The following RPGR variants were observed in gnomAD, a reference collection of about 807,000 sequenced individuals.
RPGR encodes retinitis pigmentosa GTPase regulator.
Under a neutral mutation model 56.3 loss-of-function variants are expected in RPGR, and 10 were observed. The observed-to-expected ratio is 0.18, with a 90% confidence interval of 0.11 to 0.30. The LOEUF (loss-of-function observed/expected upper bound fraction) is 0.30. RPGR is among the 10% of genes least tolerant of loss of function. RPGR has a pLI of 1.00. For synonymous variants in RPGR, 197 were observed against 212.9 expected (o/e 0.93, Z 0.65); for missense variants, 538 against 590.9 (o/e 0.91, Z 0.93).
intron 17 of RPGR, chrX:38,274,976 GCA>G (rs1601900959): frequency 1.7e-6 from 1 of 581,572 alleles, no homozygotes; most frequent in African/African-American, 2.3e-5. Flanking sequence ...AAAAATTATA[GCA>G]TATATGTAAA....
At chrX:38,295,175 T>C (rs2067352712) in intron 11 of RPGR, among the ~76,000 whole-genome samples, 1 of 112,177 alleles carries the variant, frequency 8.9e-6, no homozygotes, top group African/African-American at 3.2e-5. Flanking sequence ...CCACTGGTTG[T>C]CCTTTTCTTC....
chrX:38,305,615 G>A (rs1209737724), intron 7 of RPGR, among the ~76,000 whole-genome samples: 5 of 103,492 alleles, frequency 4.8e-5, no homozygotes, highest in African/African-American at 1.8e-4. Flanking sequence ...GCATGGTGGC[G>A]TACACCTGTA....
chrX:38,272,592 C>CAA (rs36025051), intron 18 of RPGR: 12,752 of 86,094 alleles, frequency 0.15, 1,057 homozygotes, highest in East Asian at 0.55. Flanking sequence ...AACTCCATCT[C>CAA]AAAAAAAAAA....
chrX:38,273,534 T>G, intron 17 of RPGR: 1 of 925,094 alleles, frequency 1.1e-6, no homozygotes, highest in Non-Finnish European at 1.5e-6. Flanking sequence ...AGACAAGACC[T>G]GATGCTCTCA....
In RPGR at chrX:38,297,447, C is replaced by T. The variant is rs1274377617; in HGVS notation, c.1251G>A (p.Arg417=). ...TCCTCATTGAAAAAGAATCTGGAGA[C>T]CTCTCCTTTAAAATAAGCAGGTTAA... The change falls in exon 11 of 19, where the codon AGG becomes AGA. Residue 417 remains arginine, a synonymous_variant. Transcript: ENST00000642395. 6 of 1,203,101 alleles carry T rather than the reference C, an allele frequency of 5.0e-6. No individual in the cohort carries two copies. The South Asian group carries it at 7.1e-5, about 14-fold the overall frequency.
chrX:38,313,015 TAACCTCTAAACAAAC>T lies in RPGR; in HGVS notation c.620-2257_620-2243del, dbSNP rs779119654. Among the ~76,000 whole-genome samples, 646 of 111,248 alleles carry T rather than the reference TAACCTCTAAACAAAC, an allele frequency of 5.8e-3. 5 individuals carry two copies. The highest frequency in any genetic ancestry group is 0.02 in the African/African-American group (606 of 30,581). On this transcript the variant is annotated intron_variant, in intron 6 of 18. Transcript: ENST00000642395. ...ACATTCCTTTAGGATCCATGATCCC[TAACCTCTAAACAAAC>T]AACCTCTAAACAAACTCAACTATGC...
At chrX:38,315,481 C>T (rs1352524336) in intron 6 of RPGR, among the ~76,000 whole-genome samples, 2 of 111,724 alleles carry the variant, frequency 1.8e-5, no homozygotes, top group African/African-American at 6.5e-5. Flanking sequence ...ACATACACTG[C>T]GTGTTCTCAC....
chrX:38,310,772 T>C lies in RPGR; in HGVS notation c.621A>G (p.Thr207=). ...CTCCAAACACATATAGCTCACCATC[T>C]GCTATTGAAGGAAAAGTATAGTGAT... Residue 207 remains threonine (T), a splice_region_variant and synonymous_variant, in exon 7 of 19, where the codon ACA becomes ACG. Coordinates refer to ENST00000642395, the MANE Select transcript of RPGR (RefSeq NM_000328.3). 1.7e-6 allele frequency: 2 copies of C among 1,209,239 alleles called. No individual in the cohort carries two copies. Among genetic ancestry groups the C allele is most frequent in the East Asian group, 3.0e-5 (1 of 33,837 alleles).
Position 38,281,944 on chromosome X carries a change from T to C in RPGR, c.1905+5150A>G, listed in dbSNP as rs182960617. ...CTCCGCCTCACTAATGTTTAAAGCA[T>C]TGCAGATTTTTCTTTTGGTTCATAA... On this transcript the variant is annotated intron_variant, in intron 15 of 18. Transcript: ENST00000642395. 2.7e-3 allele frequency among the ~76,000 whole-genome samples: 305 copies of C among 111,244 alleles called. 1 individual carries two copies. The highest frequency in any genetic ancestry group is 9.5e-3 in the African/African-American group (290 of 30,584).
intron 18 of RPGR, among the ~76,000 whole-genome samples, chrX:38,269,991 G>A (rs1255745707): frequency 4.5e-5 from 5 of 111,677 alleles, no homozygotes; most frequent in Non-Finnish European, 7.5e-5. Flanking sequence ...ATCTGTTAGA[G>A]TTTTTCCTTT....
At position 38,287,235 on chromosome X, in the gene RPGR, C is replaced by T; in HGVS notation, c.1764G>A (p.Glu588=). Residue 588 remains glutamate (E), a synonymous_variant, in exon 15 of 19, where the codon GAG becomes GAA. Transcript: ENST00000642395. The stretch of plus-strand genomic sequence containing the variant: ...TTGAATCCTCTGCTCCTTCCTTCTC[C>T]TCTGGGATCTCTGACAAGCGATCAC... 8.3e-7 allele frequency: 1 copy of T among 1,209,697 alleles called. No individual in the cohort carries two copies. The highest frequency in any genetic ancestry group is 1.1e-6 in the Non-Finnish European group (1 of 895,316).
intron 15 of RPGR, chrX:38,279,139 A>ACT: frequency 3.0e-6 from 1 of 330,987 alleles, no homozygotes; most frequent in Non-Finnish European, 5.9e-6. Context: ...CATCTGGACG[A>ACT]CTACTTGAAG....
chrX:38,322,101 A>G (rs2067952610), intron 3 of RPGR, among the ~76,000 whole-genome samples: 1 of 112,139 alleles, frequency 8.9e-6, no homozygotes, highest in African/African-American at 3.2e-5. Context: ...TAAAAGTTCC[A>G]TAACAATTCC....
Position 38,277,013 on chromosome X carries a change from C to T in RPGR, c.1906-241G>A, listed in dbSNP as rs2066947953. On this transcript the variant is annotated intron_variant, in intron 15 of 18. Coordinates refer to ENST00000642395, the MANE Select transcript of RPGR (RefSeq NM_000328.3). The stretch of plus-strand genomic sequence containing the variant: ...CTAGGATTTCCAAAATTCTTACTAG[C>T]ACCCATGGCAAGGTTACAATGGAAA... Among the ~76,000 whole-genome samples the T allele has an allele frequency of 1.8e-5, 2 of 111,353 alleles. 1 individual carries two copies. The highest frequency in any genetic ancestry group is 3.8e-5 in the Non-Finnish European group (2 of 53,084).
At chrX:38,292,229 T>C (rs1436413333) in intron 11 of RPGR, among the ~76,000 whole-genome samples, 1 of 112,344 alleles carries the variant, frequency 8.9e-6, no homozygotes, top group East Asian at 2.8e-4. Context: ...AAGCTGCTGC[T>C]GGACTCCTGA....
intron 13 of RPGR, 31 bp from the exon 14 acceptor site, chrX:38,288,072 T>C (rs2067221612): frequency 8.9e-7 from 1 of 1,126,987 alleles, no homozygotes; most frequent in Admixed American, 2.2e-5. Flanking sequence ...TTATCATATG[T>C]CATACTACTA....
Position 38,273,382 on chromosome X carries a change from T to C in RPGR, c.2241+4A>G. Reference sequence around the variant, plus strand: ...GATCAAAAAAGACAATTCATTTCACTTACCTTCTTTGTTTTTTTCATGTCT... The same window carrying C: ...GATCAAAAAAGACAATTCATTTCACCTACCTTCTTTGTTTTTTTCATGTCT... On this transcript the variant is annotated splice_donor_region_variant and intron_variant, in intron 18 of 18. Transcript: ENST00000642395. 1.7e-6 allele frequency: 2 copies of C among 1,184,049 alleles called. No individual in the cohort carries two copies. The highest frequency in any genetic ancestry group is 1.1e-6 in the Non-Finnish European group (1 of 872,955).
At chrX:38,309,786 C>CCATT (rs1233411215) in intron 7 of RPGR, among the ~76,000 whole-genome samples, 8 of 111,208 alleles carry the variant, frequency 7.2e-5, no homozygotes, top group Non-Finnish European at 1.1e-4. Context: ...CAAGATCAGG[C>CCATT]CATTGCACTG....
rs749685289 is a variant in RPGR at position 38,269,828 on chromosome X, A to G, written c.2246T>C (p.Phe749Ser). 2.0e-5 allele frequency: 24 copies of G among 1,176,116 alleles called. No individual in the cohort carries two copies. The highest frequency in any genetic ancestry group is 3.5e-6 in the Non-Finnish European group (3 of 867,029). Reference sequence around the variant, plus strand: ...TATTGAGGGGACTCTTTTGAACAGAAAAATCTAGGAAAAAAACCACACACA... The same window carrying G: ...TATTGAGGGGACTCTTTTGAACAGAGAAATCTAGGAAAAAAACCACACACA... Residue 749 changes from phenylalanine (F) to serine (S), a missense_variant, in exon 19 of 19, where the codon TTT (phenylalanine) becomes TCT (serine). By Grantham distance (155) the Phe-to-Ser change is radical. Transcript: ENST00000642395.
Sources: allele counts gnomAD v4.1 joint callset (sites outside exome capture counted in the v4.1 genomes callset), GRCh38; gene constraint gnomAD v4.1.1; transcripts MANE v1.5; gene names NCBI Gene and HGNC (gene_info 2026-07-23, HGNC 2026-07-21).